PFKFB3: variants seen among roughly 807,000 people sequenced by gnomAD.
PFKFB3 encodes the protein 6-phosphofructo-2-kinase/fructose-2,6-bisphosphatase 3.
In PFKFB3, 33 loss-of-function variants were observed where a neutral mutation model predicts 68.0. The observed-to-expected ratio is 0.49, with a 90% CI of 0.37 to 0.65. The LOEUF is 0.65. Among genes scored for constraint, PFKFB3 ranks in the 30% least tolerant of loss-of-function variants. The pLI, the probability that PFKFB3 is intolerant of heterozygous loss-of-function variation, is 0.00. For synonymous variants in PFKFB3, 315 were observed against 288.2 expected (o/e 1.09, Z -0.94); for missense variants, 586 against 712.2 (o/e 0.82, Z 2.02).
rs1361468573 is a variant in PFKFB3, at chr10:6,210,422, G to T, written c.77-3201G>T. 6.0e-5 allele frequency among the ~76,000 whole-genome samples: 6 copies of T among 99,630 alleles called. 1 individual carries two copies. Among genetic ancestry groups the T allele is most frequent in the Non-Finnish European group, 9.7e-5 (4 of 41,150 alleles). The allele number at this position is 99,630 out of a possible 152,430, so 65.4% of individuals were successfully genotyped here. On this transcript the variant is annotated intron_variant, in intron 1 of 14. Coordinates refer to ENST00000379775, the MANE Select transcript of PFKFB3 (RefSeq NM_004566.4). ...GTCACCCAGGCTGGAGTGCAGTGGCGCTATCTCGGCTCACTGCAAGCTCCG... is the reference window on the plus strand; with the variant it reads ...GTCACCCAGGCTGGAGTGCAGTGGCTCTATCTCGGCTCACTGCAAGCTCCG...
At chr10:6,276,654 TA>T in the PFKFB3 span, among the ~76,000 whole-genome samples, 142,491 of 151,954 alleles carry the variant, frequency 0.94, 67,503 homozygotes, top group East Asian at 1. Context: ...GTAATTCAAT[TA>T]AAAAAAAATT....
intron 1 of PFKFB3, among the ~76,000 whole-genome samples, chr10:6,157,328 G>A (rs1271387256): frequency 4.6e-5 from 7 of 151,250 alleles, no homozygotes; most frequent in Non-Finnish European, 2.9e-5. Flanking sequence ...CTGGGTTCAC[G>A]CCATTCTCCT....
At chr10:6,177,453 TTTC>T (rs1447022198) in intron 1 of PFKFB3, among the ~76,000 whole-genome samples, 205 of 113,832 alleles carry the variant, frequency 1.8e-3, no homozygotes, top group African/African-American at 5.5e-3. Context: ...TCTTTCTTTC[TTTC>T]TTTCTTTCTT....
chr10:6,183,614 A>AATATATATAT (rs371411251), intron 1 of PFKFB3, among the ~76,000 whole-genome samples: 2 of 93,944 alleles, frequency 2.1e-5, no homozygotes, highest in African/African-American at 6.8e-5. Context: ...AAAAAAAAAA[A>AATATATATAT]ATATATATAT....
chr10:6,147,817 T>TGGGGTGGTCCATACAGGGGAGCCTGAC (rs1564581276), intron 1 of PFKFB3, among the ~76,000 whole-genome samples: 13 of 148,178 alleles, frequency 8.8e-5, no homozygotes, highest in South Asian at 4.2e-4. Flanking sequence ...GGGATCCTGA[T>TGGGGTGGTCCATACAGGGGAGCCTGAC]GGGGTGGTCC....
chr10:6,238,388 C>T (rs1008833780), downstream of PFKFB3, among the ~76,000 whole-genome samples: 2 of 150,240 alleles, frequency 1.3e-5, no homozygotes, highest in Admixed American at 1.3e-4. Context: ...TGGTCTTGAA[C>T]TCCTGAACTC....
the PFKFB3 span, among the ~76,000 whole-genome samples, chr10:6,305,005 A>ATTTTTT: frequency 4.1e-3 from 60 of 14,526 alleles, 11 homozygotes; most frequent in African/African-American, 8.7e-3. Context: ...AATATTAGGA[A>ATTTTTT]TTTTTTTTTT....
intron 1 of PFKFB3, among the ~76,000 whole-genome samples, chr10:6,171,469 C>T (rs1842311114): frequency 1.3e-5 from 2 of 150,954 alleles, no homozygotes; most frequent in African/African-American, 4.9e-5. Context: ...GATCTTGGCT[C>T]ACTGCAGTCT....
chr10:6,302,387 T>G, the PFKFB3 span, among the ~76,000 whole-genome samples: 38 of 126,892 alleles, frequency 3.0e-4, no homozygotes, highest in African/African-American at 1.1e-3. Flanking sequence ...TTTTTTTTTT[T>G]TTTTTTTTTT....
chr10:6,280,499 G>A, the PFKFB3 span, among the ~76,000 whole-genome samples: 50 of 152,310 alleles, frequency 3.3e-4, no homozygotes, highest in South Asian at 2.3e-3. Flanking sequence ...CATCCTTCAG[G>A]ACACACCCTT....
downstream of PFKFB3, among the ~76,000 whole-genome samples, chr10:6,235,772 T>C (rs1437275280): frequency 2.0e-5 from 1 of 49,920 alleles, no homozygotes; most frequent in East Asian, 4.7e-4. Context: ...CTTTTTTTTC[T>C]TTTTTTTTTT....
intron 14 of PFKFB3, among the ~76,000 whole-genome samples, chr10:6,243,611 T>A (rs1263417284): frequency 2.6e-5 from 4 of 152,242 alleles, no homozygotes; most frequent in African/African-American, 9.6e-5. Context: ...TCTCTTTCCC[T>A]AATTCAACTT....
chr10:6,228,283 C>G lies in PFKFB3; in HGVS notation c.1515+1918C>G, dbSNP rs895130327. 3 of 1,579,292 alleles carry G rather than the reference C, an allele frequency of 1.9e-6. No homozygotes were observed. In the African/African-American group the frequency reaches 4.0e-5, roughly 21 times the overall value. ...TTCTTCCTGCTTGCTCATTTGGCCT[C>G]CTGCCTGTTAAAATATTGAGGATGA... On this transcript the variant is annotated intron_variant, in intron 14 of 14. Coordinates refer to ENST00000379775, the MANE Select transcript of PFKFB3 (RefSeq NM_004566.4). This position sits in a 1 kb window ranked among gnomAD's most constrained non-coding sequence, Gnocchi z 4.5.
At chr10:6,314,657 T>C in the PFKFB3 span, among the ~76,000 whole-genome samples, 1 of 152,240 alleles carries the variant, frequency 6.6e-6, no homozygotes, top group Non-Finnish European at 1.5e-5. Context: ...GAACCATACC[T>C]GTGCTGTTTA....
At chr10:6,177,450 T>TTTCTTTC (rs1564599933) in intron 1 of PFKFB3, among the ~76,000 whole-genome samples, 10 of 128,206 alleles carry the variant, frequency 7.8e-5, no homozygotes, top group South Asian at 2.6e-4. Context: ...CTTTCTTTCT[T>TTTCTTTC]TCTTTCTTTC....
chr10:6,237,163 G>T (rs1043292350), downstream of PFKFB3, among the ~76,000 whole-genome samples: 4 of 152,216 alleles, frequency 2.6e-5, no homozygotes, highest in African/African-American at 9.7e-5. Flanking sequence ...TCCCCATTCA[G>T]TTATCAAAGC....
At chr10:6,296,114 G>C in the PFKFB3 span, among the ~76,000 whole-genome samples, 1 of 152,320 alleles carries the variant, frequency 6.6e-6, no homozygotes, top group Non-Finnish European at 1.5e-5. Flanking sequence ...GGATCAAAAA[G>C]TTGATGATCT....
At chr10:6,187,915 C>A (rs545478090) in intron 1 of PFKFB3, among the ~76,000 whole-genome samples, 3 of 151,966 alleles carry the variant, frequency 2.0e-5, no homozygotes, top group African/African-American at 7.3e-5. Context: ...CAAGTGTTAC[C>A]ATTTGACTCC....
chr10:6,242,574 A>G lies in PFKFB3; in HGVS notation c.1516-11604A>G, dbSNP rs1846163602. On this transcript the variant is annotated intron_variant, in intron 14 of 14. Coordinates refer to the PFKFB3 transcript ENST00000640683. Reference sequence around the variant, plus strand: ...AAACTGTTCCCACCGTAGTGCCCTGAAGCAGTGTTCTGTAAACATTTTTTT... The same window carrying G: ...AAACTGTTCCCACCGTAGTGCCCTGGAGCAGTGTTCTGTAAACATTTTTTT... Among the ~76,000 whole-genome samples the G allele has an allele frequency of 2.0e-5, 3 of 148,294 alleles. No individual in the cohort carries two copies. In the South Asian group the frequency reaches 7.1e-4, roughly 35 times the overall value.
Sources: allele counts gnomAD v4.1 joint callset (sites outside exome capture counted in the v4.1 genomes callset), GRCh38; gene constraint gnomAD v4.1.1; non-coding constraint Gnocchi (gnomAD v3.1); transcripts MANE v1.5; gene names NCBI Gene and HGNC (gene_info 2026-07-23, HGNC 2026-07-21).